Variants in RFX3 observed in about 807,000 individuals in gnomAD.
RFX3 encodes the protein transcription factor RFX3.
A neutral mutation model predicts 98.6 loss-of-function variants in RFX3; 14 were observed. The ratio of observed to expected loss-of-function variants is 0.14; its 90% CI spans 0.09 to 0.22. The LOEUF is 0.22. Among genes scored for constraint, RFX3 ranks in the 10% least tolerant of loss-of-function variants. RFX3 has a pLI of 1.00. For synonymous variants in RFX3, 383 were observed against 328.4 expected (o/e 1.17, Z -1.80); for missense variants, 639 against 926.9 (o/e 0.69, Z 4.03).
chr9:3,292,124 T>C (rs2131629988), intron 6 of RFX3, among the ~76,000 whole-genome samples: 1 of 144,236 alleles, frequency 6.9e-6, no homozygotes, highest in South Asian at 2.2e-4. Context: ...TACTCTGAAG[T>C]TGTGCTTTAT....
At chr9:3,460,529 T>G (rs1847591094) in intron 1 of RFX3, among the ~76,000 whole-genome samples, 2 of 152,012 alleles carry the variant, frequency 1.3e-5, no homozygotes, top group South Asian at 2.1e-4. Flanking sequence ...ACCAACATTT[T>G]AAAAAATATA....
intron 1 of RFX3, among the ~76,000 whole-genome samples, chr9:3,403,020 T>C (rs1841621553): frequency 6.6e-6 from 1 of 152,044 alleles, no homozygotes; most frequent in African/African-American, 2.4e-5. Context: ...CACATATATA[T>C]GTATTTTAAA....
intron 1 of RFX3, among the ~76,000 whole-genome samples, chr9:3,503,522 C>A (rs1485550431): frequency 2.0e-5 from 3 of 151,922 alleles, no homozygotes; most frequent in Non-Finnish European, 4.4e-5. Context: ...ATATTTGACA[C>A]CAAACTGAGT....
chr9:3,444,407 G>A (rs1370712472), intron 1 of RFX3, among the ~76,000 whole-genome samples: 1 of 152,074 alleles, frequency 6.6e-6, no homozygotes, highest in Non-Finnish European at 1.5e-5. Flanking sequence ...TGCAAGGGTA[G>A]GGAGGGATAG....
At chr9:3,323,457 T>C (rs930432259) in intron 4 of RFX3, among the ~76,000 whole-genome samples, 2 of 152,178 alleles carry the variant, frequency 1.3e-5, no homozygotes, top group Non-Finnish European at 2.9e-5. Context: ...TGGAGTTTTT[T>C]TCTTTAAAAA....
intron 1 of RFX3, among the ~76,000 whole-genome samples, chr9:3,416,503 A>G (rs992114511): frequency 7.9e-5 from 12 of 152,206 alleles, no homozygotes; most frequent in Non-Finnish European, 1.6e-4. Context: ...TATTAGGGGG[A>G]AAAAAAGCCA....
intron 6 of RFX3, among the ~76,000 whole-genome samples, chr9:3,292,758 G>A (rs755248969): frequency 6.6e-6 from 1 of 152,088 alleles, no homozygotes; most frequent in Non-Finnish European, 1.5e-5. Context: ...GTGTGTGTGT[G>A]TATGTGTTTG....
intron 2 of RFX3, among the ~76,000 whole-genome samples, chr9:3,359,751 A>ATCTTGC: frequency 6.6e-6 from 1 of 152,164 alleles, no homozygotes; most frequent in Admixed American, 6.6e-5. Flanking sequence ...AATAATGAAA[A>ATCTTGC]AAATGTTTAT....
chr9:3,501,665 T>C (rs1816025742), intron 1 of RFX3, among the ~76,000 whole-genome samples: 1 of 150,620 alleles, frequency 6.6e-6, no homozygotes, highest in African/African-American at 2.4e-5. Context: ...CAAGCGATTC[T>C]CGTGCCTCAG....
At chr9:3,457,804 T>A in intron 1 of RFX3, among the ~76,000 whole-genome samples, 1 of 152,114 alleles carries the variant, frequency 6.6e-6, no homozygotes, top group East Asian at 1.9e-4. Flanking sequence ...GCCATCTATA[T>A]GCAATTCACC....
intron 1 of RFX3, among the ~76,000 whole-genome samples, chr9:3,428,653 GT>G (rs376915204): frequency 2.0e-5 from 3 of 152,170 alleles, no homozygotes; most frequent in African/African-American, 7.2e-5. Flanking sequence ...TTTGAAGTTA[GT>G]CTGATCTCAC....
intron 1 of RFX3, among the ~76,000 whole-genome samples, chr9:3,480,399 C>G (rs952724114): frequency 2.0e-5 from 3 of 152,192 alleles, no homozygotes; most frequent in Non-Finnish European, 4.4e-5. Flanking sequence ...CATAAGTTGT[C>G]GGGCCTTTTT....
At chr9:3,359,139 C>T (rs777736807) in intron 2 of RFX3, among the ~76,000 whole-genome samples, 12 of 151,270 alleles carry the variant, frequency 7.9e-5, no homozygotes, top group Non-Finnish European at 1.3e-4. Context: ...TTGGGCATAC[C>T]GCTTGCAATT....
intron 3 of RFX3, among the ~76,000 whole-genome samples, chr9:3,333,371 G>A (rs572563618): frequency 6.6e-6 from 1 of 151,478 alleles, no homozygotes; most frequent in Admixed American, 6.6e-5. Context: ...TCCAGAAAGA[G>A]CCACAGCAAA....
At chr9:3,473,423 C>T (rs1159208456) in intron 1 of RFX3, among the ~76,000 whole-genome samples, 1 of 152,154 alleles carries the variant, frequency 6.6e-6, no homozygotes, top group African/African-American at 2.4e-5. Context: ...AAGAAGACTA[C>T]CTACAGACTA....
rs1563834581 is a variant in RFX3, at chr9:3,270,536, T to G, written c.1203-11A>C. 1.2e-6 allele frequency: 2 copies of G among 1,606,248 alleles called. No homozygotes were observed. Among genetic ancestry groups the G allele is most frequent in the Non-Finnish European group, 1.7e-6 (2 of 1,177,360 alleles). On this transcript the variant is annotated splice_polypyrimidine_tract_variant and intron_variant, in intron 10 of 16. Coordinates refer to ENST00000617270, the MANE Select transcript of RFX3 (RefSeq NM_001282116.2). ...ATTTCACTCAGATTGCTGGTGTGAA[T>G]AAATGTAGCAAATGAATAGATGGCA...
chr9:3,425,985 TAC>T (rs1357270657), intron 1 of RFX3, among the ~76,000 whole-genome samples: 3 of 152,216 alleles, frequency 2.0e-5, no homozygotes, highest in Non-Finnish European at 4.4e-5. Flanking sequence ...TAGCTTTTCA[TAC>T]ACAGTAGAAT....
intron 1 of RFX3, among the ~76,000 whole-genome samples, chr9:3,441,713 T>A (rs1452155474): frequency 6.6e-6 from 1 of 152,008 alleles, no homozygotes; most frequent in African/African-American, 2.4e-5. Context: ...GATAAATGAT[T>A]GGAGAAATAA....
chr9:3,422,598 T>G (rs989072645), intron 1 of RFX3, among the ~76,000 whole-genome samples: 2 of 152,230 alleles, frequency 1.3e-5, no homozygotes, highest in African/African-American at 4.8e-5. Context: ...ATTCAACAAC[T>G]TGAATCATTC....
Sources: gnomAD v4.1 joint callset for allele counts (sites outside exome capture counted in the v4.1 genomes callset) on GRCh38, gnomAD v4.1.1 for gene constraint, MANE v1.5 for transcripts, NCBI Gene and HGNC (gene_info 2026-07-23, HGNC 2026-07-21) for gene names.